Variants in CCL17 observed in about 807,000 individuals in gnomAD.
CCL17 encodes C-C motif chemokine ligand 17.
Under a neutral mutation model 7.4 loss-of-function variants are expected in CCL17, and 8 were observed. The ratio of observed to expected loss-of-function variants is 1.09; its 90% CI spans 0.64 to 1.96. CCL17 has a LOEUF of 1.96. Ranked by LOEUF, CCL17 falls within the 30% of genes most tolerant of loss-of-function variation. The pLI, the probability that CCL17 is intolerant of heterozygous loss-of-function variation, is 0.00. For synonymous variants in CCL17, 40 were observed against 46.1 expected, an observed-to-expected ratio of 0.87 and a Z score of 0.54; for missense variants, 102 against 113.0, an observed-to-expected ratio of 0.90 and a Z score of 0.44.
At chr16:57,413,597 G>A (rs894476055) in intron 1 of CCL17, among the ~76,000 whole-genome samples, 6 of 152,190 alleles carry the variant, frequency 3.9e-5, no homozygotes, top group Non-Finnish European at 8.8e-5. Flanking sequence ...GTGCGTGGAG[G>A]CTTTTCAATT....
At chr16:57,398,189 G>A in the CCL17 span, among the ~76,000 whole-genome samples, 5 of 152,266 alleles carry the variant, frequency 3.3e-5, no homozygotes, top group South Asian at 1.0e-3. Flanking sequence ...AGTCCAGATG[G>A]TGAAATCCTT....
chr16:57,404,881 G>A (rs1902671864), intron 1 of CCL17, 45 bp downstream of exon 1: 1 of 154,380 alleles, frequency 6.5e-6, no homozygotes, highest in African/African-American at 2.4e-5. Context: ...CCACTGTGAG[G>A]TGACCCCCTC....
At chr16:57,400,756 G>T (rs1234068330), upstream of CCL17, among the ~76,000 whole-genome samples, 1 of 152,102 alleles carries the variant, frequency 6.6e-6, no homozygotes, top group African/African-American at 2.4e-5. Context: ...ATCACCTGCG[G>T]TCAGGAGTTC....
chr16:57,414,834 C>T (rs560833545), intron 2 of CCL17, among the ~76,000 whole-genome samples: 2 of 152,042 alleles, frequency 1.3e-5, no homozygotes, highest in African/African-American at 2.4e-5. Context: ...CCCCCACAGA[C>T]ACACAAAACA....
At chr16:57,400,013 T>C (rs1477948107), upstream of CCL17, among the ~76,000 whole-genome samples, 2 of 152,146 alleles carry the variant, frequency 1.3e-5, no homozygotes, top group African/African-American at 2.4e-5. Flanking sequence ...ATCTCCCTGA[T>C]TGACTAAAAC....
intron 1 of CCL17, among the ~76,000 whole-genome samples, chr16:57,409,540 T>C (rs1482583050): frequency 1.3e-5 from 2 of 152,000 alleles, no homozygotes; most frequent in African/African-American, 2.4e-5. Context: ...GAGAGGAAGA[T>C]GGACTGGACC....
chr16:57,402,805 C>G (rs946385091), upstream of CCL17, among the ~76,000 whole-genome samples: 2 of 151,896 alleles, frequency 1.3e-5, no homozygotes, highest in African/African-American at 4.8e-5. Context: ...CAACACCAGC[C>G]ATTTATCCAT....
intron 1 of CCL17, among the ~76,000 whole-genome samples, chr16:57,409,147 T>A (rs1410672210): frequency 6.6e-6 from 1 of 152,142 alleles, no homozygotes; most frequent in Non-Finnish European, 1.5e-5. Flanking sequence ...CAATACAATA[T>A]GAAGACAGCC....
upstream of CCL17, among the ~76,000 whole-genome samples, chr16:57,402,042 TA>T (rs1902601092): frequency 6.6e-6 from 1 of 152,198 alleles, no homozygotes; most frequent in Non-Finnish European, 1.5e-5. Flanking sequence ...ACCCTATTGT[TA>T]GCCAAGTGTG....
At chr16:57,406,315 G>C (rs1291786615) in intron 1 of CCL17, among the ~76,000 whole-genome samples, 1 of 152,042 alleles carries the variant, frequency 6.6e-6, no homozygotes. Flanking sequence ...TTTTTTTGTA[G>C]AGACAGAGTC....
chr16:57,415,031 C>T lies in CCL17; in HGVS notation c.71-50C>T. On this transcript the variant is annotated intron_variant, in intron 2 of 3. Transcript: ENST00000219244. The surrounding 1 kb of genome is among the most constrained non-coding windows in gnomAD (Gnocchi z 4.5). ...GAACACCCCCCAGAGGTCCCCGCAACACACACGCAGACACTCACAGACACC... is the reference window on the plus strand; with the variant it reads ...GAACACCCCCCAGAGGTCCCCGCAATACACACGCAGACACTCACAGACACC... 4 of 1,248,840 alleles carry T rather than the reference C, an allele frequency of 3.2e-6. No individual in the cohort carries two copies. The highest frequency in any genetic ancestry group is 4.7e-6 in the Non-Finnish European group (4 of 847,774). The allele number at this position is 1,248,840 out of a possible 1,614,324, so 77.4% of individuals were successfully genotyped here.
upstream of CCL17, among the ~76,000 whole-genome samples, chr16:57,403,606 TA>T (rs1221630032): frequency 6.8e-4 from 51 of 74,930 alleles, 1 homozygote; most frequent in South Asian, 0.018. Context: ...ATAATATATA[TA>T]ATATATATTT....
intron 1 of CCL17, among the ~76,000 whole-genome samples, chr16:57,411,217 T>G (rs1902779956): frequency 6.6e-6 from 1 of 152,136 alleles, no homozygotes; most frequent in South Asian, 2.1e-4. Context: ...TGCATGTCCC[T>G]ATGAGGGGTC....
upstream of CCL17, among the ~76,000 whole-genome samples, chr16:57,403,494 AT>A (rs1902638274): frequency 7.8e-5 from 2 of 25,656 alleles, no homozygotes; most frequent in Non-Finnish European, 5.7e-5. Flanking sequence ...AATAATATAT[AT>A]ATTATAATAT....
upstream of CCL17, among the ~76,000 whole-genome samples, chr16:57,400,900 A>G (rs1272302317): frequency 2.0e-5 from 3 of 151,896 alleles, no homozygotes; most frequent in Non-Finnish European, 4.4e-5. Context: ...TCCTGGAGAC[A>G]GAAGTTGCAG....
At chr16:57,408,530 G>T (rs928927324) in intron 1 of CCL17, among the ~76,000 whole-genome samples, 2 of 151,960 alleles carry the variant, frequency 1.3e-5, no homozygotes, top group Non-Finnish European at 2.9e-5. Context: ...TCCCTACTCG[G>T]CCTCCAGAGT....
chr16:57,401,349 C>T (rs1325185953), upstream of CCL17, among the ~76,000 whole-genome samples: 1 of 151,862 alleles, frequency 6.6e-6, no homozygotes, highest in Admixed American at 6.6e-5. Flanking sequence ...GATGGTGGAA[C>T]CCCGTCTCTA....
At chr16:57,411,503 G>A (rs1463179999) in intron 1 of CCL17, among the ~76,000 whole-genome samples, 2 of 152,230 alleles carry the variant, frequency 1.3e-5, no homozygotes, top group African/African-American at 4.8e-5. Context: ...AGAACCCACC[G>A]GGGAGTTTCC....
rs573992134 is a variant in CCL17, at chr16:57,407,542, C to T, written c.-60+2706C>T. On this transcript the variant is annotated intron_variant, in intron 1 of 3. Coordinates refer to ENST00000219244, the MANE Select transcript of CCL17 (RefSeq NM_002987.3). The stretch of plus-strand genomic sequence containing the variant: ...CTAAGTGACCATCCATCTATCCATG[C>T]ATTCATGCATGTATATATCCATTCA... Among the ~76,000 whole-genome samples, 18 of 152,286 alleles carry T rather than the reference C, an allele frequency of 1.2e-4. No homozygotes were observed. In the East Asian group the frequency reaches 2.9e-3, roughly 24 times the overall value.
Sources: gnomAD v4.1 joint callset for allele counts (sites outside exome capture counted in the v4.1 genomes callset) on GRCh38, gnomAD v4.1.1 for gene constraint, Gnocchi (gnomAD v3.1) non-coding constraint, MANE v1.5 for transcripts, NCBI Gene and HGNC (gene_info 2026-07-23, HGNC 2026-07-21) for gene names.